The following USP24 variants were observed in gnomAD, a reference collection of about 807,000 sequenced individuals.
The protein encoded by USP24 is ubiquitin carboxyl-terminal hydrolase 24.
USP24 carries 97 observed loss-of-function variants against 361.6 expected under a neutral mutation model. That is an observed-to-expected ratio of 0.27 (90% CI 0.23 to 0.32). USP24 has a LOEUF of 0.32. USP24 is among the 10% of genes least tolerant of loss of function. The probability of loss-of-function intolerance (pLI) is 1.00; values close to 1 mark genes in which losing one functional copy is unlikely to be tolerated. For synonymous variants in USP24, 1,098 were observed against 1,124.6 expected, an observed-to-expected ratio of 0.98 and a Z score of 0.47; for missense variants, 2,353 against 3,165.6, an observed-to-expected ratio of 0.74 and a Z score of 6.16.
Position 55,181,285 on chromosome 1 carries a change from A to T in USP24, c.325-3153T>A, listed in dbSNP as rs182040132. ...CCCCAACAAAGTCTGTAACTAAATA[A>T]AACAAAAAACAGGAAGGTAATTAAG... On this transcript the variant is annotated intron_variant, in intron 1 of 67. Transcript: ENST00000294383. 3.3e-5 allele frequency among the ~76,000 whole-genome samples: 5 copies of T among 152,322 alleles called. No individual in the cohort carries two copies. The East Asian group carries it at 9.6e-4, about 29-fold the overall frequency.
Position 55,094,012 on chromosome 1 carries a change from A to C in USP24, c.6279T>G (p.Ser2093=), listed in dbSNP as rs775396935. ...RPHRPNNDRL[S]ILTKLVKKGE... The stretch of plus-strand genomic sequence containing the variant: ...CTTTTTTAACCAGCTTGGTAAGAAT[A>C]GACAGCCGGTCATTGTTCGGCCTAT... Residue 2093 remains serine, a synonymous_variant, in exon 52 of 68, where the codon TCT becomes TCG. Transcript: ENST00000294383. The C allele has an allele frequency of 4.3e-6, 7 of 1,613,918 alleles. No individual in the cohort carries two copies. Among genetic ancestry groups the C allele is most frequent in the Non-Finnish European group, 5.1e-6 (6 of 1,179,858 alleles).
At chr1:55,091,911 C>T (rs1645385720) in intron 54 of USP24, 112 bp downstream of exon 54, 6 of 774,138 alleles carry the variant, frequency 7.8e-6, no homozygotes, top group African/African-American at 1.8e-5. Context: ...TCTTAGTCCT[C>T]TGAATAAAAT....
chr1:55,191,977 C>T (rs552085710), intron 1 of USP24, among the ~76,000 whole-genome samples: 1 of 152,270 alleles, frequency 6.6e-6, no homozygotes, highest in Admixed American at 6.5e-5. Flanking sequence ...TTTGTACATA[C>T]GTTGCTATCC....
intron 34 of USP24, 125 bp from the exon 35 acceptor site, chr1:55,124,753 GC>G: frequency 1.9e-6 from 2 of 1,048,118 alleles, no homozygotes; most frequent in Non-Finnish European, 2.7e-6. Context: ...CAGAAAGATG[GC>G]CTTTCTCAAG....
At chr1:55,193,217 CAGG>C (rs929197209) in intron 1 of USP24, among the ~76,000 whole-genome samples, 3 of 151,980 alleles carry the variant, frequency 2.0e-5, no homozygotes, top group African/African-American at 7.3e-5. Flanking sequence ...TTAAAGTACA[CAGG>C]AGGATGTGCT....
chr1:55,122,514 A>C (rs1366138136), intron 36 of USP24, among the ~76,000 whole-genome samples: 1 of 152,170 alleles, frequency 6.6e-6, no homozygotes, highest in East Asian at 1.9e-4. Context: ...TAAAATTTAG[A>C]AGGTCCACCC....
chr1:55,112,551 C>G (rs972913174), intron 38 of USP24, among the ~76,000 whole-genome samples: 5 of 152,164 alleles, frequency 3.3e-5, no homozygotes, highest in Non-Finnish European at 5.9e-5. Flanking sequence ...CATTCAGGAG[C>G]AGGTTGTTCA....
chr1:55,126,310 G>A (rs917554563), intron 32 of USP24, among the ~76,000 whole-genome samples: 1 of 152,138 alleles, frequency 6.6e-6, no homozygotes, highest in African/African-American at 2.4e-5. Flanking sequence ...CCTGGGTCTC[G>A]CTCCCTTATC....
intron 39 of USP24, among the ~76,000 whole-genome samples, chr1:55,107,841 CAAAAA>C (rs777328294): frequency 2.6e-5 from 1 of 38,246 alleles, no homozygotes; most frequent in African/African-American, 9.6e-5. Context: ...GACTCTGTCT[CAAAAA>C]AAAAAAAAAA....
At position 55,094,136 on chromosome 1, in the gene USP24, T is replaced by G. The variant is rs772506408; in HGVS notation, c.6204-49A>C. ...CTGTCTAGTATAAAGTGGCTATTTTTTCAGTAGTTACTAAGACTTGCCAAA... is the reference window on the plus strand; with the variant it reads ...CTGTCTAGTATAAAGTGGCTATTTTGTCAGTAGTTACTAAGACTTGCCAAA... On this transcript the variant is annotated intron_variant, in intron 51 of 67. Transcript: ENST00000294383. 49 of 1,552,450 alleles carry G rather than the reference T, an allele frequency of 3.2e-5. No individual in the cohort carries two copies. The East Asian group carries it at 1.1e-3, about 35-fold the overall frequency.
At chr1:55,118,559 A>G (rs1007075265) in intron 38 of USP24, among the ~76,000 whole-genome samples, 8 of 152,204 alleles carry the variant, frequency 5.3e-5, no homozygotes, top group African/African-American at 1.4e-4. Context: ...TTTCCTGGCT[A>G]TGACAGCAAA....
At position 55,105,996 on chromosome 1, in the gene USP24, C is replaced by T. The variant is rs951949665; in HGVS notation, c.4880+150G>A. On this transcript the variant is annotated intron_variant, in intron 41 of 67. Transcript: ENST00000294383. The stretch of plus-strand genomic sequence containing the variant: ...GTGCCAGGCAGGCTTTATGCTAAGC[C>T]GCTTCATGTGCATTTCTTCATTTAG... 4.0e-5 allele frequency: 28 copies of T among 701,512 alleles called. No individual in the cohort carries two copies. The East Asian group carries it at 4.3e-4, about 11-fold the overall frequency. The allele number at this position is 701,512 out of a possible 1,614,324, so 43.5% of individuals were successfully genotyped here. A position where few individuals can be genotyped will look rare whatever the true frequency, so the allele number is the denominator to read the frequency against.
chr1:55,081,739 C>T (rs548695200), intron 58 of USP24, among the ~76,000 whole-genome samples: 13 of 152,178 alleles, frequency 8.5e-5, no homozygotes, highest in East Asian at 1.9e-4. Context: ...CACTGTGCCG[C>T]GTAATGTGAG....
intron 30 of USP24, among the ~76,000 whole-genome samples, chr1:55,133,334 A>C (rs1374878330): frequency 6.6e-6 from 1 of 152,236 alleles, no homozygotes; most frequent in Admixed American, 6.5e-5. Context: ...AACTGTGAAA[A>C]AATTAAATGA....
At chr1:55,115,384 T>G (rs1472264855) in intron 38 of USP24, among the ~76,000 whole-genome samples, 2 of 147,138 alleles carry the variant, frequency 1.4e-5, no homozygotes, top group African/African-American at 5.0e-5. Context: ...TAGTCCCAGC[T>G]ACCTGGGAGG....
At chr1:55,166,164 TTTAAG>T (rs752055132) in intron 6 of USP24, among the ~76,000 whole-genome samples, 147 of 151,884 alleles carry the variant, frequency 9.7e-4, no homozygotes, top group Non-Finnish European at 1.4e-3. Flanking sequence ...AATTATATTA[TTTAAG>T]TTATTTAAAA....
Position 55,137,687 on chromosome 1 carries a change from A to G in USP24, c.3029T>C (p.Leu1010Pro). ...NIQIFTNDSLLTVNKDQKLLH... is the reference protein window; with the variant it reads ...NIQIFTNDSLPTVNKDQKLLH... ...TAGCTTTTGATCTTTATTCACTGTC[A>G]GCTGCAAAAAGTGGTTTCTTAATTA... The change falls in exon 28 of 68, where the codon CTG becomes CCG. Residue 1010 changes from leucine to proline, a missense_variant and splice_region_variant. By Grantham distance (98) the Leu-to-Pro change is moderately conservative. This residue lies in a region of USP24 where 949 missense variants were observed against 1,280.5 expected (regional missense o/e 0.74). Transcript: ENST00000294383. 6.2e-7 allele frequency: 1 copy of G among 1,609,878 alleles called. No individual in the cohort carries two copies. Among genetic ancestry groups the G allele is most frequent in the Non-Finnish European group, 8.5e-7 (1 of 1,178,202 alleles).
Position 55,148,502 on chromosome 1 carries a change from A to G in USP24, c.1929T>C (p.Thr643=), listed in dbSNP as rs1328967602. ...VPALRQLHEI[T]RSFIKQTYQK... ...GATAGGTTTGTTTTATGAATGAGCG[A>G]GTAATTTCATGGAGCTGACGCAAAG... Residue 643 remains threonine, a synonymous_variant, in exon 17 of 68, where the codon ACT becomes ACC. Coordinates refer to ENST00000294383, the MANE Select transcript of USP24 (RefSeq NM_015306.3). 9 of 1,594,660 alleles carry G rather than the reference A, an allele frequency of 5.6e-6. No homozygotes were observed. Among genetic ancestry groups the G allele is most frequent in the Non-Finnish European group, 7.7e-6 (9 of 1,169,412 alleles).
chr1:55,094,574 C>T (rs1645452031), intron 51 of USP24, among the ~76,000 whole-genome samples: 1 of 151,790 alleles, frequency 6.6e-6, no homozygotes, highest in Non-Finnish European at 1.5e-5. Flanking sequence ...ACTTTCCTGA[C>T]CCAATATATT....
Sources: gnomAD v4.1 joint callset for allele counts (sites outside exome capture counted in the v4.1 genomes callset) on GRCh38, gnomAD v4.1.1 for gene constraint, gnomAD v4.1.1 regional missense constraint, MANE v1.5 for transcripts, NCBI Gene and HGNC (gene_info 2026-07-23, HGNC 2026-07-21) for gene names.